The following RASGRF2 variants were observed in gnomAD, a reference collection of about 807,000 sequenced individuals.
RASGRF2 encodes Ras protein specific guanine nucleotide releasing factor 2.
A neutral mutation model predicts 151.0 loss-of-function variants in RASGRF2; 76 were observed. That is an observed-to-expected ratio of 0.50 (90% CI 0.42 to 0.61). RASGRF2 has a LOEUF of 0.61. Ranked by LOEUF, RASGRF2 falls within the 20% of genes least tolerant of loss-of-function variation. The pLI is 0.00. For missense variants in RASGRF2, 1,148 were observed against 1,564.6 expected, an observed-to-expected ratio of 0.73 and a Z score of 4.49; for synonymous variants, 504 against 566.5, an observed-to-expected ratio of 0.89 and a Z score of 1.57.
intron 15 of RASGRF2, among the ~76,000 whole-genome samples, chr5:81,114,608 C>T (rs564699910): frequency 1.3e-5 from 2 of 152,348 alleles, no homozygotes; most frequent in East Asian, 3.9e-4. Flanking sequence ...GCCTTCAGTT[C>T]TGTGAGACAT....
chr5:81,001,118 G>C (rs1263814134), intron 1 of RASGRF2, among the ~76,000 whole-genome samples: 1 of 152,204 alleles, frequency 6.6e-6, no homozygotes, highest in East Asian at 1.9e-4. Flanking sequence ...CTGATATTTG[G>C]ATCCTACAGA....
intron 2 of RASGRF2, among the ~76,000 whole-genome samples, chr5:81,060,043 C>T (rs1415464635): frequency 3.3e-5 from 5 of 152,074 alleles, no homozygotes; most frequent in Non-Finnish European, 7.4e-5. Flanking sequence ...AGAGCAGGAA[C>T]CAGAGAGAGA....
At chr5:81,147,819 A>G (rs1423163622) in intron 17 of RASGRF2, among the ~76,000 whole-genome samples, 2 of 152,216 alleles carry the variant, frequency 1.3e-5, no homozygotes, top group Admixed American at 1.3e-4. Context: ...AAATTAATTA[A>G]AAACAGTAGA....
At chr5:81,102,655 A>G (rs1055143321) in intron 12 of RASGRF2, among the ~76,000 whole-genome samples, 1 of 150,430 alleles carries the variant, frequency 6.6e-6, no homozygotes, top group South Asian at 2.1e-4. Context: ...AGATCATGCC[A>G]CTGCATTCCA....
intron 16 of RASGRF2, among the ~76,000 whole-genome samples, chr5:81,126,812 T>C (rs1176864748): frequency 2.6e-5 from 4 of 152,248 alleles, no homozygotes; most frequent in African/African-American, 4.8e-5. Flanking sequence ...TTTGATTGTT[T>C]CTACTTTTTG....
At chr5:81,060,349 G>A (rs1024533530) in intron 2 of RASGRF2, among the ~76,000 whole-genome samples, 1 of 152,154 alleles carries the variant, frequency 6.6e-6, no homozygotes, top group Non-Finnish European at 1.5e-5. Flanking sequence ...CCTGGATGCT[G>A]TTCCATCAGC....
At chr5:80,982,863 G>A (rs1031404602) in intron 1 of RASGRF2, among the ~76,000 whole-genome samples, 1 of 152,068 alleles carries the variant, frequency 6.6e-6, no homozygotes, top group Non-Finnish European at 1.5e-5. Flanking sequence ...GCCTCCCAAA[G>A]TGCTGGGATT....
In RASGRF2 at chr5:81,112,788, A is replaced by G. The variant is rs1753034274; in HGVS notation, c.2017A>G (p.Thr673Ala). 1 of 1,614,038 alleles carries G rather than the reference A, an allele frequency of 6.2e-7. No individual in the cohort carries two copies. Among genetic ancestry groups the G allele is most frequent in the Non-Finnish European group, 8.5e-7 (1 of 1,180,042 alleles). The change falls in exon 14 of 27, where the codon ACT becomes GCT. Residue 673 changes from threonine to alanine, a missense_variant. Transcript: ENST00000265080. Reference protein sequence around the residue: ...NTFLHTYRIFTTAAVVLGKLS... With the variant: ...NTFLHTYRIFATAAVVLGKLS... Reference sequence around the variant, plus strand: ...CTTTCTGCACACCTATCGTATTTTCACTACTGCCGCTGTGGTGCTGGGGAA... The same window carrying G: ...CTTTCTGCACACCTATCGTATTTTCGCTACTGCCGCTGTGGTGCTGGGGAA...
intron 2 of RASGRF2, among the ~76,000 whole-genome samples, chr5:81,054,049 A>C (rs1282179994): frequency 2.0e-5 from 3 of 152,052 alleles, no homozygotes; most frequent in Non-Finnish European, 2.9e-5. Context: ...GAGTAGATTG[A>C]AAAAATTTTC....
chr5:81,183,703 G>GC (rs1047166422), intron 18 of RASGRF2, among the ~76,000 whole-genome samples: 2 of 152,184 alleles, frequency 1.3e-5, no homozygotes, highest in Admixed American at 6.5e-5. Context: ...GGGAACAGCA[G>GC]CCCAGAGTCA....
At chr5:81,080,934 C>G in intron 7 of RASGRF2, 145 bp downstream of exon 7, 1 of 691,432 alleles carries the variant, frequency 1.4e-6, no homozygotes, top group Non-Finnish European at 2.3e-6. Context: ...TGAGCTTGAC[C>G]CTGAGATAAA....
chr5:81,149,995 G>C (rs1180080140), intron 17 of RASGRF2, among the ~76,000 whole-genome samples: 1 of 152,216 alleles, frequency 6.6e-6, no homozygotes. Flanking sequence ...ATCTAGGCCT[G>C]AGGATTTGAG....
chr5:81,009,909 A>C (rs1049776999), intron 1 of RASGRF2, among the ~76,000 whole-genome samples: 1 of 152,228 alleles, frequency 6.6e-6, no homozygotes, highest in Non-Finnish European at 1.5e-5. Context: ...CTGTAATCCC[A>C]GCACTTTGGG....
At chr5:81,120,825 C>T (rs767178889) in intron 15 of RASGRF2, among the ~76,000 whole-genome samples, 6 of 152,120 alleles carry the variant, frequency 3.9e-5, no homozygotes, top group Non-Finnish European at 7.4e-5. Context: ...ATTGGTTGTG[C>T]GGGCACATGC....
At chr5:81,032,425 G>A (rs1332433917) in intron 1 of RASGRF2, among the ~76,000 whole-genome samples, 1 of 152,204 alleles carries the variant, frequency 6.6e-6, no homozygotes, top group African/African-American at 2.4e-5. Flanking sequence ...AAATTCAGCA[G>A]CACATCAAAA....
intron 17 of RASGRF2, among the ~76,000 whole-genome samples, chr5:81,173,577 G>GA (rs1215714395): frequency 2.0e-5 from 3 of 152,094 alleles, no homozygotes; most frequent in Non-Finnish European, 2.9e-5. Context: ...TGTATGTATG[G>GA]AAAATCTGCT....
At chr5:80,969,797 C>CCAATAATA (rs1747863547) in intron 1 of RASGRF2, among the ~76,000 whole-genome samples, 1 of 146,370 alleles carries the variant, frequency 6.8e-6, no homozygotes, top group African/African-American at 2.6e-5. Flanking sequence ...TACACAGATG[C>CCAATAATA]CAATAATACT....
At chr5:81,007,866 G>A (rs551211097) in intron 1 of RASGRF2, among the ~76,000 whole-genome samples, 2 of 152,182 alleles carry the variant, frequency 1.3e-5, no homozygotes, top group African/African-American at 4.8e-5. Flanking sequence ...TTCTCATTTG[G>A]GAGGGGGTGA....
chr5:81,113,517 C>A, intron 14 of RASGRF2, 21 bp from the exon 15 acceptor site: 1 of 1,583,984 alleles, frequency 6.3e-7, no homozygotes. Flanking sequence ...ATCTCTTAGC[C>A]ACTTTTGCTC....
Sources: allele counts gnomAD v4.1 joint callset (sites outside exome capture counted in the v4.1 genomes callset), GRCh38; gene constraint gnomAD v4.1.1; transcripts MANE v1.5; gene names NCBI Gene and HGNC (gene_info 2026-07-23, HGNC 2026-07-21).